Variants in TMEM141 observed in about 807,000 individuals in gnomAD.
TMEM141 encodes the protein transmembrane protein 141.
Under a neutral mutation model 15.9 loss-of-function variants are expected in TMEM141, and 18 were observed. That is an observed-to-expected ratio of 1.13 (90% confidence interval 0.78 to 1.68). TMEM141 has a LOEUF of 1.68. TMEM141 is among the 40% of genes most tolerant of loss of function. The pLI, the probability that TMEM141 is intolerant of heterozygous loss-of-function variation, is 0.00. For missense variants in TMEM141, 161 were observed against 139.5 expected, an observed-to-expected ratio of 1.15 and a Z score of -0.78; for synonymous variants, 69 against 54.0, an observed-to-expected ratio of 1.28 and a Z score of -1.22.
At position 136,791,987 on chromosome 9, in the gene TMEM141, G is replaced by C. The variant is rs116891320; in HGVS notation, c.162G>C (p.Arg54Ser). The change falls in exon 3 of 5, where the codon AGG (arginine) becomes AGC (serine). Residue 54 changes from arginine to serine, a missense_variant. Physicochemically the swap from Arg to Ser is moderately radical, Grantham distance 110 (BLOSUM62 -1). Transcript: ENST00000290079. ...MAFGLQMFIQ[R>S]KFPYPLQWSL... The stretch of plus-strand genomic sequence containing the variant: ...TTGGCTTGCAGATGTTCATTCAGAG[G>C]AAGTTTCCATACCCTTTGCAGTGGA... 21,554 of 1,614,114 alleles carry C rather than the reference G, an allele frequency of 0.013. 193 individuals are homozygous for C. Among genetic ancestry groups the C allele is most frequent in the Non-Finnish European group, 0.016 (18,972 of 1,180,020 alleles).
chr9:136,791,696 C>G lies in TMEM141; in HGVS notation c.55-15C>G. ...GGGCAGGGGATCGAGCCTTCACCCG[C>G]CTCTGCCACCCCAGGGACTCGGGGA... On this transcript the variant is annotated splice_polypyrimidine_tract_variant and intron_variant, in intron 1 of 4. Transcript: ENST00000290079. 4 of 1,612,152 alleles carry G rather than the reference C, an allele frequency of 2.5e-6. No homozygotes were observed. The highest frequency in any genetic ancestry group is 3.4e-6 in the Non-Finnish European group (4 of 1,179,332).
chr9:136,792,405 C>A, intron 4 of TMEM141, 47 bp downstream of exon 4: 2 of 1,485,938 alleles, frequency 1.3e-6, no homozygotes, highest in Non-Finnish European at 1.8e-6. Flanking sequence ...ACCTCTCCAG[C>A]ACCCAGAGTT....
rs549450647 is a variant in TMEM141, at chr9:136,792,956, G to C, written c.*124G>C. The C allele has an allele frequency of 1.6e-6, 2 of 1,275,556 alleles. No individual in the cohort carries two copies. Among genetic ancestry groups the C allele is most frequent in the Non-Finnish European group, 2.0e-6 (2 of 994,224 alleles). 79.0% of individuals were successfully genotyped at this position (1,275,556 alleles called of 1,614,324 possible). ...GGTACCCCAGTCGTATCCTCTGTCC[G>C]CATGTGTGGCCAGGCCTGACAAACA... On this transcript the variant is annotated 3_prime_UTR_variant, in exon 5 of 5. Transcript: ENST00000290079.
intron 4 of TMEM141, 74 bp from the exon 5 acceptor site, chr9:136,792,745 C>A: frequency 8.2e-7 from 1 of 1,215,284 alleles, no homozygotes; most frequent in Non-Finnish European, 1.2e-6. Flanking sequence ...CAGTTTCTGC[C>A]ATGATAAAAT....
In TMEM141 at chr9:136,792,777, C is replaced by T. The variant is rs775166355; in HGVS notation, c.314-42C>T. 1.5e-5 allele frequency: 22 copies of T among 1,481,852 alleles called. No homozygotes were observed. In the South Asian group the frequency reaches 1.6e-4, roughly 11 times the overall value. The allele number at this position is 1,481,852 out of a possible 1,614,324, so 91.8% of individuals were successfully genotyped here. A position where few individuals can be genotyped will look rare whatever the true frequency, so the allele number is the denominator to read the frequency against. On this transcript the variant is annotated intron_variant, in intron 4 of 4. Coordinates refer to ENST00000290079, the MANE Select transcript of TMEM141 (RefSeq NM_032928.4). ...AAATGGGCACAGGGATGCCCAGCCACGATGGATGTGGTTCGAGCTTGTCTC... is the reference window on the plus strand; with the variant it reads ...AAATGGGCACAGGGATGCCCAGCCATGATGGATGTGGTTCGAGCTTGTCTC...
rs1371473684 is a variant in TMEM141, at chr9:136,791,778, G to A, written c.121+1G>A. 16 of 1,613,026 alleles carry A rather than the reference G, an allele frequency of 9.9e-6. No homozygotes were observed. Among genetic ancestry groups the A allele is most frequent in the Non-Finnish European group, 1.4e-5 (16 of 1,179,830 alleles). On this transcript the variant is annotated splice_donor_variant, in intron 2 of 4. Transcript: ENST00000290079. LOFTEE classifies it high-confidence loss of function. ...AAGGGCGTTTTCACCTTCGTCACAG[G>A]TAGGCTGCGTCCAGGTGTCCTGCGG...
intron 4 of TMEM141, 56 bp from the exon 5 acceptor site, chr9:136,792,763 G>T: frequency 7.3e-7 from 1 of 1,378,196 alleles, no homozygotes; most frequent in Non-Finnish European, 1.0e-6. Flanking sequence ...AATGGGCACA[G>T]GGATGCCCAG....
chr9:136,791,737 G>C lies in TMEM141; in HGVS notation c.81G>C (p.Gln27His), dbSNP rs749118506. Residue 27 changes from glutamine (Q) to histidine (H), a missense_variant, in exon 2 of 5, where the codon CAG becomes CAC. Coordinates refer to ENST00000290079, the MANE Select transcript of TMEM141 (RefSeq NM_032928.4). ...HPGLGEYAAC[Q>H]SHAFMKGVFT... Reference sequence around the variant, plus strand: ...GACTCGGGGAGTATGCCGCATGCCAGTCACACGCCTTCATGAAGGGCGTTT... The same window carrying C: ...GACTCGGGGAGTATGCCGCATGCCACTCACACGCCTTCATGAAGGGCGTTT... 10 of 1,613,396 alleles carry C rather than the reference G, an allele frequency of 6.2e-6. No individual in the cohort carries two copies. Among genetic ancestry groups the C allele is most frequent in the Non-Finnish European group, 3.4e-6 (4 of 1,179,942 alleles).
chr9:136,792,902 A>G lies in TMEM141; in HGVS notation c.*70A>G. The stretch of plus-strand genomic sequence containing the variant: ...TGGAACACAGCCTTCATGCCCCCTG[A>G]CCCCAGGCCGACCCTCCCCACACCC... On this transcript the variant is annotated 3_prime_UTR_variant, in exon 5 of 5. Transcript: ENST00000290079. 1 of 1,438,214 alleles carries G rather than the reference A, an allele frequency of 7.0e-7. No individual in the cohort carries two copies. Among genetic ancestry groups the G allele is most frequent in the Non-Finnish European group, 9.2e-7 (1 of 1,089,884 alleles). The allele number at this position is 1,438,214 out of a possible 1,614,324, so 89.1% of individuals were successfully genotyped here.
chr9:136,792,897 C>A lies in TMEM141; in HGVS notation c.*65C>A. On this transcript the variant is annotated 3_prime_UTR_variant, in exon 5 of 5. Transcript: ENST00000290079. ...GAGTCTGGAACACAGCCTTCATGCC[C>A]CCTGACCCCAGGCCGACCCTCCCCA... 1 of 1,453,202 alleles carries A rather than the reference C, an allele frequency of 6.9e-7. No individual in the cohort carries two copies. The highest frequency in any genetic ancestry group is 9.1e-7 in the Non-Finnish European group (1 of 1,098,088). 90.0% of individuals were successfully genotyped at this position (1,453,202 alleles called of 1,614,324 possible). A position where few individuals can be genotyped will look rare whatever the true frequency, so the allele number is the denominator to read the frequency against.
In TMEM141 at chr9:136,791,410, G is replaced by C; in HGVS notation, c.40G>C (p.Ala14Pro). The C allele has an allele frequency of 2.6e-6, 4 of 1,559,404 alleles. No individual in the cohort carries two copies. The highest frequency in any genetic ancestry group is 3.5e-6 in the Non-Finnish European group (4 of 1,152,012). Residue 14 changes from alanine to proline, a missense_variant, in exon 1 of 5, where the codon GCT (alanine) becomes CCT (proline). Transcript: ENST00000290079. ...LGLSRVDDAV[A>P]AKHPGLGEYA... ...TCTGTCCCGGGTGGACGACGCCGTG[G>C]CTGCCAAGCACCCGGTGAGAAGGCC...
chr9:136,791,846 C>A, intron 2 of TMEM141, 69 bp downstream of exon 2: 1 of 1,607,758 alleles, frequency 6.2e-7, no homozygotes, highest in Non-Finnish European at 8.5e-7. Flanking sequence ...GACTCCCCAG[C>A]AGGGGGCGCC....
Position 136,792,729 on chromosome 9 carries a change from G to A in TMEM141, c.314-90G>A, listed in dbSNP as rs890701919. ...CTCCACTGCCCGTTGTCCTTGTTAC[G>A]GAACCCAGTTTCTGCCATGATAAAA... On this transcript the variant is annotated intron_variant, in intron 4 of 4. Coordinates refer to ENST00000290079, the MANE Select transcript of TMEM141 (RefSeq NM_032928.4). 1.2e-5 allele frequency: 12 copies of A among 1,042,752 alleles called. No individual in the cohort carries two copies. In the East Asian group the frequency reaches 1.7e-4, roughly 15 times the overall value. The allele number at this position is 1,042,752 out of a possible 1,614,324, so 64.6% of individuals were successfully genotyped here.
rs1255665947 is a variant in TMEM141, at chr9:136,792,337, C to T, written c.292C>T (p.Leu98Phe). The T allele has an allele frequency of 1.9e-6, 3 of 1,579,576 alleles. No individual in the cohort carries two copies. Among genetic ancestry groups the T allele is most frequent in the Middle Eastern group, 1.7e-4 (1 of 6,038 alleles). Residue 98 changes from leucine to phenylalanine, a missense_variant, in exon 4 of 5, where the codon CTC becomes TTC. Transcript: ENST00000290079. Reference sequence around the variant, plus strand: ...CTGGCTCTTCCTGGAGACCGGGCAGCTCCCCAAAGACAGGAGCACAGGTGA... The same window carrying T: ...CTGGCTCTTCCTGGAGACCGGGCAGTTCCCCAAAGACAGGAGCACAGGTGA... ...NLWLFLETGQ[L>F]PKDRSTDQRS
rs760278352 is a variant in TMEM141 at position 136,792,045 on chromosome 9, G to C, written c.205+15G>C. ...AGTGGCCGTGGGTGGGTACTCCAGGGCCCCTGCCTGGGCTCTTTGAGGGGT... is the reference window on the plus strand; with the variant it reads ...AGTGGCCGTGGGTGGGTACTCCAGGCCCCCTGCCTGGGCTCTTTGAGGGGT... On this transcript the variant is annotated intron_variant, in intron 3 of 4. Transcript: ENST00000290079. The C allele has an allele frequency of 1.2e-5, 19 of 1,613,414 alleles. No individual in the cohort carries two copies. Among genetic ancestry groups the C allele is most frequent in the Non-Finnish European group, 1.6e-5 (19 of 1,179,710 alleles).
Position 136,791,999 on chromosome 9 carries a change from C to T in TMEM141, c.174C>T (p.Tyr58=), listed in dbSNP as rs1847595586. 2 of 1,614,094 alleles carry T rather than the reference C, an allele frequency of 1.2e-6. No homozygotes were observed. The highest frequency in any genetic ancestry group is 1.7e-6 in the Non-Finnish European group (2 of 1,180,020). ...LQMFIQRKFP[Y]PLQWSLLVAV... ...TGTTCATTCAGAGGAAGTTTCCATA[C>T]CCTTTGCAGTGGAGCCTCCTAGTGG... is the stretch of plus-strand genomic sequence containing the variant. The change falls in exon 3 of 5, where the codon TAC becomes TAT. Residue 58 remains tyrosine, a synonymous_variant. Transcript: ENST00000290079.
intron 4 of TMEM141, 55 bp from the exon 5 acceptor site, chr9:136,792,764 G>T: frequency 2.2e-6 from 3 of 1,381,756 alleles, no homozygotes; most frequent in Non-Finnish European, 3.0e-6. Flanking sequence ...ATGGGCACAG[G>T]GATGCCCAGC....
In TMEM141 at chr9:136,792,923, C is replaced by T. The variant is rs1317459189; in HGVS notation, c.*91C>T. On this transcript the variant is annotated 3_prime_UTR_variant, in exon 5 of 5. Coordinates refer to ENST00000290079, the MANE Select transcript of TMEM141 (RefSeq NM_032928.4). ...CCTGACCCCAGGCCGACCCTCCCCA[C>T]ACCCTAGGGTACCCCAGTCGTATCC... The T allele has an allele frequency of 1.4e-6, 2 of 1,419,542 alleles. No homozygotes were observed. Among genetic ancestry groups the T allele is most frequent in the South Asian group, 1.6e-5 (1 of 60,988 alleles). The allele number at this position is 1,419,542 out of a possible 1,614,324, so 87.9% of individuals were successfully genotyped here.
intron 1 of TMEM141, 131 bp downstream of exon 1, chr9:136,791,555 G>T: frequency 6.4e-7 from 1 of 1,560,614 alleles, no homozygotes; most frequent in South Asian, 1.2e-5. Context: ...TTGCTAAGGG[G>T]CTCAGGGCGT....
Sources: gnomAD v4.1 joint callset for allele counts on GRCh38, gnomAD v4.1.1 for gene constraint, MANE v1.5 for transcripts, NCBI Gene and HGNC (gene_info 2026-07-23, HGNC 2026-07-21) for gene names.